IL1RAPL1: variants seen among roughly 807,000 people sequenced by gnomAD.
IL1RAPL1 encodes interleukin 1 receptor accessory protein like 1, also known as interleukin-1 receptor accessory protein-like 1.
Under a neutral mutation model 48.4 loss-of-function variants are expected in IL1RAPL1, and 3 were observed. That is an observed-to-expected ratio of 0.06 (90% CI 0.03 to 0.16). The LOEUF (loss-of-function observed/expected upper bound fraction) is 0.16, where lower values mean the gene tolerates loss of function less well. Among genes scored for constraint, IL1RAPL1 ranks in the 10% least tolerant of loss-of-function variants. The pLI is 1.00. For synonymous variants in IL1RAPL1, 185 were observed against 187.7 expected (o/e 0.99, Z 0.12); for missense variants, 349 against 530.6 (o/e 0.66, Z 3.36).
intron 5 of IL1RAPL1, among the ~76,000 whole-genome samples, chrX:29,519,790 C>T (rs762245470): frequency 4.5e-5 from 5 of 111,556 alleles, no homozygotes; most frequent in East Asian, 2.8e-4. Context: ...ACATTGGTGG[C>T]CTCCCTGTCC....
intron 2 of IL1RAPL1, among the ~76,000 whole-genome samples, chrX:29,094,199 G>A (rs938993608): frequency 3.6e-5 from 4 of 110,973 alleles, no homozygotes; most frequent in Non-Finnish European, 7.5e-5. Context: ...ATTAAAACCA[G>A]TTCCAAATTT....
In IL1RAPL1 at chrX:29,213,340, T is replaced by G. The variant is rs983556447; in HGVS notation, c.83-69598T>G. On this transcript the variant is annotated intron_variant, in intron 2 of 10. Transcript: ENST00000378993. ...AATCTCTATTCCCGATCTTCATCAC[T>G]GTTATGATCTCTTGTCTCAATTACT... Among the ~76,000 whole-genome samples the G allele has an allele frequency of 7.1e-5, 8 of 112,544 alleles. No homozygotes were observed. In the Admixed American group the frequency reaches 7.5e-4, roughly 11 times the overall value.
At chrX:29,453,299 G>A (rs1171323692) in intron 5 of IL1RAPL1, among the ~76,000 whole-genome samples, 1 of 110,251 alleles carries the variant, frequency 9.1e-6, no homozygotes, top group Non-Finnish European at 1.9e-5. Flanking sequence ...AAGAAATGAA[G>A]TAAAAGGTAG....
In IL1RAPL1 at chrX:29,203,932, A is replaced by G. The variant is rs949848619; in HGVS notation, c.83-79006A>G. ...ATGAGATCCAAATTTAAGCTCCCACATATGAGTAAGAACATGTGAAATTGT... is the reference window on the plus strand; with the variant it reads ...ATGAGATCCAAATTTAAGCTCCCACGTATGAGTAAGAACATGTGAAATTGT... On this transcript the variant is annotated intron_variant, in intron 2 of 10. Transcript: ENST00000378993. Among the ~76,000 whole-genome samples, 6 of 109,272 alleles carry G rather than the reference A, an allele frequency of 5.5e-5. No individual in the cohort carries two copies. In the Admixed American group the frequency reaches 6.0e-4, roughly 11 times the overall value. The allele number at this position is 109,272 out of a possible 115,157, so 94.9% of individuals were successfully genotyped here.
chrX:29,315,411 A>G (rs1932765712), intron 3 of IL1RAPL1, among the ~76,000 whole-genome samples: 1 of 111,699 alleles, frequency 9.0e-6, no homozygotes, highest in South Asian at 3.8e-4. Flanking sequence ...ATACACCAGA[A>G]AAACATGGAA....
At chrX:28,770,669 A>C (rs1410870313) in intron 1 of IL1RAPL1, among the ~76,000 whole-genome samples, 1 of 112,289 alleles carries the variant, frequency 8.9e-6, no homozygotes, top group African/African-American at 3.2e-5. Context: ...AGCCACCAAC[A>C]TTTAGGTAGG....
chrX:29,940,941 C>T (rs886928571), intron 8 of IL1RAPL1, among the ~76,000 whole-genome samples: 3 of 110,810 alleles, frequency 2.7e-5, no homozygotes, highest in Non-Finnish European at 5.7e-5. Context: ...AGGAGGCCTA[C>T]TTCTTACACC....
intron 2 of IL1RAPL1, among the ~76,000 whole-genome samples, chrX:28,803,506 C>T (rs1353615398): frequency 9.0e-6 from 1 of 111,300 alleles, no homozygotes; most frequent in Non-Finnish European, 1.9e-5. Flanking sequence ...AATTATTGGT[C>T]GGCAATGTTT....
intron 5 of IL1RAPL1, among the ~76,000 whole-genome samples, chrX:29,471,873 A>G (rs1400599282): frequency 9.0e-6 from 1 of 111,667 alleles, no homozygotes; most frequent in East Asian, 2.8e-4. Context: ...GAAATGTCTC[A>G]GTACTTTATT....
chrX:29,413,914 C>A (rs1934180973), intron 5 of IL1RAPL1, among the ~76,000 whole-genome samples: 1 of 110,035 alleles, frequency 9.1e-6, no homozygotes, highest in Non-Finnish European at 1.9e-5. Flanking sequence ...TGCATACATA[C>A]GTATGTATGT....
chrX:29,069,244 A>C (rs2147439217), intron 2 of IL1RAPL1, among the ~76,000 whole-genome samples: 1 of 111,881 alleles, frequency 8.9e-6, no homozygotes, highest in Admixed American at 9.5e-5. Flanking sequence ...AAATGTTTTG[A>C]AATGTTGTTA....
chrX:28,637,968 T>A lies in IL1RAPL1; in HGVS notation c.-25+49921T>A, dbSNP rs770280339. Among the ~76,000 whole-genome samples, 54 of 112,237 alleles carry A rather than the reference T, an allele frequency of 4.8e-4. 1 individual carries two copies. Among genetic ancestry groups the A allele is most frequent in the Non-Finnish European group, 4.9e-4 (26 of 53,218 alleles). Reference sequence around the variant, plus strand: ...AAACTGGATATTAATGCCATGTAAATGTTAAGAAAATATTTAGCTCAGGAA... The same window carrying A: ...AAACTGGATATTAATGCCATGTAAAAGTTAAGAAAATATTTAGCTCAGGAA... On this transcript the variant is annotated intron_variant, in intron 1 of 10. Transcript: ENST00000378993.
chrX:29,100,484 G>C (rs1378322897), intron 2 of IL1RAPL1, among the ~76,000 whole-genome samples: 1 of 111,473 alleles, frequency 9.0e-6, no homozygotes, highest in African/African-American at 3.3e-5. Flanking sequence ...TACTTTGATT[G>C]GCTGAGACTC....
intron 2 of IL1RAPL1, among the ~76,000 whole-genome samples, chrX:29,003,495 C>T (rs1925905529): frequency 1.8e-5 from 2 of 111,915 alleles, no homozygotes; most frequent in Admixed American, 9.4e-5. Flanking sequence ...GGGAAGCCAC[C>T]GAAGGTGATT....
At chrX:29,695,019 A>G (rs1327481197) in intron 6 of IL1RAPL1, among the ~76,000 whole-genome samples, 1 of 111,222 alleles carries the variant, frequency 9.0e-6, no homozygotes, top group African/African-American at 3.3e-5. Context: ...CAAAAACAAT[A>G]TCTGCAAAAC....
intron 2 of IL1RAPL1, among the ~76,000 whole-genome samples, chrX:28,853,493 G>GCGCACA (rs1210583677): frequency 9.3e-6 from 1 of 107,054 alleles, no homozygotes; most frequent in African/African-American, 3.4e-5. Context: ...GTGTGCGCGC[G>GCGCACA]CACACACACA....
At chrX:28,995,226 A>G in intron 2 of IL1RAPL1, among the ~76,000 whole-genome samples, 1 of 111,978 alleles carries the variant, frequency 8.9e-6, no homozygotes, top group East Asian at 2.8e-4. Flanking sequence ...ATATACCTAT[A>G]AATGTGAATA....
intron 5 of IL1RAPL1, among the ~76,000 whole-genome samples, chrX:29,634,058 A>T (rs902675562): frequency 1.8e-5 from 2 of 112,085 alleles, no homozygotes; most frequent in African/African-American, 6.5e-5. Context: ...AGACAAGAAG[A>T]TTTAAGAAGG....
chrX:29,715,645 T>C lies in IL1RAPL1; in HGVS notation c.778+47141T>C, dbSNP rs1927462032. On this transcript the variant is annotated intron_variant, in intron 6 of 10. Transcript: ENST00000378993. ...AATGATATTCTGGCTAAGCATTCTT[T>C]TCTACCCTATCCTGCTTCTTCCACT... Among the ~76,000 whole-genome samples the C allele has an allele frequency of 2.7e-5, 3 of 111,588 alleles. No individual in the cohort carries two copies. The South Asian group carries it at 1.1e-3, about 42-fold the overall frequency.
Sources: gnomAD v4.1 joint callset for allele counts (sites outside exome capture counted in the v4.1 genomes callset) on GRCh38, gnomAD v4.1.1 for gene constraint, MANE v1.5 for transcripts, NCBI Gene and HGNC (gene_info 2026-07-23, HGNC 2026-07-21) for gene names.